Variants in NRG3 observed in about 807,000 individuals in gnomAD.
The protein encoded by NRG3 is pro-neuregulin-3, membrane-bound isoform.
Under a neutral mutation model 66.9 loss-of-function variants are expected in NRG3, and 31 were observed. The ratio of observed to expected loss-of-function variants is 0.46; its 90% CI spans 0.35 to 0.63. NRG3 has a LOEUF of 0.63. Among genes scored for constraint, NRG3 ranks in the 20% least tolerant of loss-of-function variants. NRG3 has a pLI of 0.00. For missense variants in NRG3, 910 were observed against 878.9 expected (o/e 1.04, Z -0.45); for synonymous variants, 393 against 359.4 (o/e 1.09, Z -1.06).
chr10:82,350,970 C>G (rs932966349), intron 1 of NRG3, among the ~76,000 whole-genome samples: 29 of 151,846 alleles, frequency 1.9e-4, no homozygotes, highest in South Asian at 2.1e-4. Flanking sequence ...CGGCTCACTG[C>G]AAGCTCCGCC....
chr10:82,950,393 G>A (rs1255091390), intron 4 of NRG3, among the ~76,000 whole-genome samples: 3 of 152,138 alleles, frequency 2.0e-5, no homozygotes, highest in Admixed American at 2.0e-4. Context: ...TGATCATTAG[G>A]GAAACAGGAA....
chr10:82,558,961 A>C (rs960126566), intron 2 of NRG3, among the ~76,000 whole-genome samples: 1 of 152,194 alleles, frequency 6.6e-6, no homozygotes, highest in African/African-American at 2.4e-5. Flanking sequence ...TATATAAAAA[A>C]CATAACAAAA....
chr10:82,640,692 AT>A (rs1213239603), intron 2 of NRG3, among the ~76,000 whole-genome samples: 1 of 152,204 alleles, frequency 6.6e-6, no homozygotes, highest in Non-Finnish European at 1.5e-5. Flanking sequence ...AAATATAATT[AT>A]TATTAAAAAA....
intron 4 of NRG3, among the ~76,000 whole-genome samples, chr10:82,886,812 A>G (rs891110188): frequency 6.6e-6 from 1 of 152,180 alleles, no homozygotes; most frequent in African/African-American, 2.4e-5. Flanking sequence ...TTATCATTTC[A>G]CCTTTACTGC....
intron 2 of NRG3, among the ~76,000 whole-genome samples, chr10:82,523,592 A>C (rs1290356504): frequency 6.6e-6 from 1 of 151,862 alleles, no homozygotes; most frequent in Admixed American, 6.6e-5. Flanking sequence ...TCATTATTGA[A>C]CTGCAATGGT....
intron 1 of NRG3, among the ~76,000 whole-genome samples, chr10:81,989,910 T>A (rs1213487643): frequency 6.6e-6 from 1 of 151,964 alleles, no homozygotes; most frequent in Non-Finnish European, 1.5e-5. Context: ...GTCCAGAAGG[T>A]TGACTATGAA....
At chr10:82,458,283 A>G (rs563001925) in intron 2 of NRG3, among the ~76,000 whole-genome samples, 3 of 152,238 alleles carry the variant, frequency 2.0e-5, no homozygotes, top group Admixed American at 6.5e-5. Flanking sequence ...TGAGAGATGT[A>G]GAAACTCTTC....
At chr10:82,056,009 T>C (rs2063831097) in intron 1 of NRG3, among the ~76,000 whole-genome samples, 1 of 152,152 alleles carries the variant, frequency 6.6e-6, no homozygotes, top group African/African-American at 2.4e-5. Flanking sequence ...AAAACGGAAA[T>C]CTTCCCAGGC....
rs201943286 is a variant in NRG3, at chr10:82,769,771, CT to C, written c.1027+31128del. On this transcript the variant is annotated intron_variant, in intron 3 of 8. Coordinates refer to ENST00000372141, the MANE Select transcript of NRG3 (RefSeq NM_001010848.4). ...GATTTATGTAATTCTTCCTACATAT[CT>C]TTTTTTCTCTATCTAAATTGTATAA... Among the ~76,000 whole-genome samples the C allele has an allele frequency of 6.0e-3, 907 of 152,166 alleles. 12 individuals carry two copies. Among genetic ancestry groups the C allele is most frequent in the African/African-American group, 0.02 (831 of 41,552 alleles).
rs577378192 is a variant in NRG3, at chr10:82,346,868, A to G, written c.824-11871A>G. 1.2e-3 allele frequency among the ~76,000 whole-genome samples: 186 copies of G among 152,220 alleles called. 1 individual carries two copies. Among genetic ancestry groups the G allele is most frequent in the African/African-American group, 4.3e-3 (178 of 41,536 alleles). On this transcript the variant is annotated intron_variant, in intron 1 of 8. Transcript: ENST00000372141. ...TTATTTGTGTAGAGGTGTTTGTAGTATTCTGTGATGGTAGTTTGTATTTCT... is the reference window on the plus strand; with the variant it reads ...TTATTTGTGTAGAGGTGTTTGTAGTGTTCTGTGATGGTAGTTTGTATTTCT...
chr10:82,405,578 TCCTGATGCACA>T (rs1428939189), intron 2 of NRG3, among the ~76,000 whole-genome samples: 2 of 149,676 alleles, frequency 1.3e-5, no homozygotes, highest in Admixed American at 1.3e-4. Context: ...TGCCTCAACC[TCCTGATGCACA>T]CCTGAGTAGC....
intron 1 of NRG3, among the ~76,000 whole-genome samples, chr10:82,357,194 GC>G (rs1233031349): frequency 6.6e-6 from 1 of 152,230 alleles, no homozygotes. Flanking sequence ...AAATTAAGTT[GC>G]ATAAAGTTTT....
intron 1 of NRG3, among the ~76,000 whole-genome samples, chr10:82,195,978 A>T (rs1451619274): frequency 6.6e-6 from 1 of 152,086 alleles, no homozygotes; most frequent in Non-Finnish European, 1.5e-5. Context: ...TAGTCCAATG[A>T]GACTAGTTTC....
chr10:82,659,304 C>T (rs138140433), intron 2 of NRG3, among the ~76,000 whole-genome samples: 189 of 152,226 alleles, frequency 1.2e-3, no homozygotes, highest in African/African-American at 4.2e-3. Context: ...ATGATAGTCC[C>T]GGATGCAATT....
intron 2 of NRG3, among the ~76,000 whole-genome samples, chr10:82,495,019 C>A (rs1051403061): frequency 6.7e-6 from 1 of 150,264 alleles, no homozygotes; most frequent in African/African-American, 2.5e-5. Flanking sequence ...CCACTCACTG[C>A]AACCTCCACC....
At chr10:81,945,490 TA>T (rs1262427156) in intron 1 of NRG3, among the ~76,000 whole-genome samples, 1 of 152,160 alleles carries the variant, frequency 6.6e-6, no homozygotes, top group East Asian at 1.9e-4. Flanking sequence ...ATTTTGCCCA[TA>T]AATGCATTCT....
At chr10:82,108,489 G>T (rs1341716367) in intron 1 of NRG3, among the ~76,000 whole-genome samples, 3 of 152,148 alleles carry the variant, frequency 2.0e-5, no homozygotes, top group African/African-American at 7.2e-5. Context: ...CTGTCTCTCT[G>T]CTACCCTTCA....
intron 2 of NRG3, among the ~76,000 whole-genome samples, chr10:82,539,881 C>T (rs2043413435): frequency 6.6e-6 from 1 of 152,164 alleles, no homozygotes; most frequent in Non-Finnish European, 1.5e-5. Flanking sequence ...ATCCACCCAC[C>T]TTGGCCTCGC....
intron 4 of NRG3, among the ~76,000 whole-genome samples, chr10:82,910,969 T>C (rs941268831): frequency 5.3e-5 from 8 of 152,210 alleles, no homozygotes; most frequent in African/African-American, 1.9e-4. Flanking sequence ...TTTCAACCCT[T>C]CTTGCACAGA....
Sources: gnomAD v4.1 joint callset for allele counts (sites outside exome capture counted in the v4.1 genomes callset) on GRCh38, gnomAD v4.1.1 for gene constraint, MANE v1.5 for transcripts, NCBI Gene and HGNC (gene_info 2026-07-23, HGNC 2026-07-21) for gene names.